Variants in SCARA3 observed in about 807,000 individuals in gnomAD.
SCARA3 encodes cellular stress response gene protein.
A neutral mutation model predicts 47.0 loss-of-function variants in SCARA3; 39 were observed. That is an observed-to-expected ratio of 0.83 (90% CI 0.64 to 1.08). The LOEUF is 1.08. Among genes scored for constraint, SCARA3 ranks in the 50% least tolerant of loss-of-function variants. SCARA3 has a pLI of 0.00. For missense variants in SCARA3, 724 were observed against 792.3 expected (o/e 0.91, Z 1.04); for synonymous variants, 356 against 334.1 (o/e 1.07, Z -0.71).
Position 27,658,718 on chromosome 8 carries a change from A to G in SCARA3, c.548A>G (p.Gln183Arg), listed in dbSNP as rs1801815503. ...TCCTTCTCCATCCACCAGGTTAACC[A>G]GTCTCTGGGGCTCTTCCTGGCCCAG... is the stretch of plus-strand genomic sequence containing the variant. ...SCSFSIHQVN[Q>R]SLGLFLAQVR... Residue 183 changes from glutamine to arginine, a missense_variant, in exon 5 of 6, where the codon CAG becomes CGG. Coordinates refer to ENST00000301904, the MANE Select transcript of SCARA3 (RefSeq NM_016240.3). 2 of 1,614,122 alleles carry G rather than the reference A, an allele frequency of 1.2e-6. No homozygotes were observed. Among genetic ancestry groups the G allele is most frequent in the South Asian group, 1.1e-5 (1 of 91,076 alleles).
At chr8:27,716,996 C>T in the SCARA3 span, among the ~76,000 whole-genome samples, 1 of 152,062 alleles carries the variant, frequency 6.6e-6, no homozygotes, top group Non-Finnish European at 1.5e-5. Context: ...GAAAATAGTG[C>T]AAGAATCTAA....
At chr8:27,708,831 AC>A in the SCARA3 span, among the ~76,000 whole-genome samples, 1 of 152,176 alleles carries the variant, frequency 6.6e-6, no homozygotes, top group Non-Finnish European at 1.5e-5. Flanking sequence ...CTTTTATACA[AC>A]TTTTTTAGTT....
the SCARA3 span, chr8:27,703,909 A>T: frequency 1.4e-5 from 2 of 144,318 alleles, no homozygotes; most frequent in African/African-American, 5.2e-5. Flanking sequence ...GGAAAAAAAC[A>T]TAATGGAAAA....
downstream of SCARA3, among the ~76,000 whole-genome samples, chr8:27,673,212 G>T (rs145261485): frequency 1.0e-3 from 157 of 152,378 alleles, no homozygotes; most frequent in African/African-American, 3.4e-3. Context: ...GAATTACTCA[G>T]AGAGAGCAGG....
chr8:27,650,737 T>C (rs891833052), intron 2 of SCARA3, among the ~76,000 whole-genome samples: 2 of 152,170 alleles, frequency 1.3e-5, no homozygotes, highest in African/African-American at 4.8e-5. Context: ...GTTCCCTCTT[T>C]CCTCCATGCC....
At chr8:27,635,705 C>T (rs1247514253) in intron 1 of SCARA3, among the ~76,000 whole-genome samples, 1 of 152,048 alleles carries the variant, frequency 6.6e-6, no homozygotes, top group Non-Finnish European at 1.5e-5. Flanking sequence ...ATCCTCCCAC[C>T]TCAGCCTCCT....
chr8:27,696,731 C>G, the SCARA3 span, among the ~76,000 whole-genome samples: 1 of 104,160 alleles, frequency 9.6e-6, no homozygotes, highest in African/African-American at 2.7e-5. Context: ...TCCCAAGGTG[C>G]TGAGATTATA....
chr8:27,656,929 C>G (rs562234549), intron 4 of SCARA3, 49 bp downstream of exon 4: 5 of 1,218,646 alleles, frequency 4.1e-6, no homozygotes, highest in South Asian at 1.2e-5. Flanking sequence ...CAGGGTGGGG[C>G]AGGGGTGCCC....
chr8:27,693,751 T>C, the SCARA3 span, among the ~76,000 whole-genome samples: 1 of 152,184 alleles, frequency 6.6e-6, no homozygotes, highest in African/African-American at 2.4e-5. Context: ...ACCTGGAGGC[T>C]TGATCTGCAT....
the SCARA3 span, among the ~76,000 whole-genome samples, chr8:27,693,650 A>G: frequency 6.6e-6 from 1 of 152,194 alleles, no homozygotes; most frequent in Admixed American, 6.5e-5. Flanking sequence ...TGGGGGTTGG[A>G]CATGCCTCAT....
intron 1 of SCARA3, among the ~76,000 whole-genome samples, chr8:27,643,564 T>C (rs531450819): frequency 2.6e-5 from 4 of 152,318 alleles, no homozygotes; most frequent in Admixed American, 2.6e-4. Context: ...GAGGGGGTAG[T>C]GGCGGAAGGG....
downstream of SCARA3, chr8:27,679,887 A>T (rs973640793): frequency 6.6e-6 from 1 of 152,182 alleles, no homozygotes; most frequent in Admixed American, 6.5e-5. Context: ...GATTAGCCTG[A>T]CCCTTGTACA....
intron 1 of SCARA3, among the ~76,000 whole-genome samples, chr8:27,643,722 A>G (rs1333957263): frequency 6.6e-6 from 1 of 152,076 alleles, no homozygotes; most frequent in Non-Finnish European, 1.5e-5. Flanking sequence ...TTGAAAACCC[A>G]CTCTGTGAAC....
intron 5 of SCARA3, among the ~76,000 whole-genome samples, chr8:27,661,864 A>G (rs569758978): frequency 3.6e-4 from 55 of 152,344 alleles, no homozygotes; most frequent in African/African-American, 1.3e-3. Context: ...GACATGTAAT[A>G]CTATGGGACA....
downstream of SCARA3, among the ~76,000 whole-genome samples, chr8:27,679,123 TTTC>T (rs777115748): frequency 6.6e-6 from 1 of 152,172 alleles, no homozygotes; most frequent in Non-Finnish European, 1.5e-5. Context: ...CCTTCCTGTT[TTTC>T]TTCTTCTTCC....
the SCARA3 span, among the ~76,000 whole-genome samples, chr8:27,710,229 C>CAAAAA: frequency 9.5e-6 from 1 of 105,084 alleles, no homozygotes. Flanking sequence ...GACTCCGTCT[C>CAAAAA]AAAAAAAAAA....
chr8:27,727,218 G>C, the SCARA3 span, among the ~76,000 whole-genome samples: 3 of 151,530 alleles, frequency 2.0e-5, no homozygotes, highest in East Asian at 5.9e-4. Flanking sequence ...GGCTCAGTTT[G>C]CCTCTGAGAT....
the SCARA3 span, among the ~76,000 whole-genome samples, chr8:27,722,836 C>T: frequency 6.6e-6 from 1 of 152,214 alleles, no homozygotes. Context: ...GTCACACCAT[C>T]TGGTCCTGTT....
At chr8:27,699,919 G>A in the SCARA3 span, among the ~76,000 whole-genome samples, 1 of 152,150 alleles carries the variant, frequency 6.6e-6, no homozygotes, top group Non-Finnish European at 1.5e-5. Context: ...TATATCAATT[G>A]ATTTTCCCCA....
Sources: gnomAD v4.1 joint callset for allele counts (sites outside exome capture counted in the v4.1 genomes callset) on GRCh38, gnomAD v4.1.1 for gene constraint, MANE v1.5 for transcripts, NCBI Gene and HGNC (gene_info 2026-07-23, HGNC 2026-07-21) for gene names.